TRNAU1AP: variants seen among roughly 807,000 people sequenced by gnomAD.
TRNAU1AP encodes the protein tRNA selenocysteine 1 associated protein 1, also known as tRNA selenocysteine 1-associated protein 1.
In TRNAU1AP, 33 loss-of-function variants were observed where a neutral mutation model predicts 43.3. The ratio of observed to expected loss-of-function variants is 0.76; its 90% confidence interval spans 0.58 to 1.02. The LOEUF (loss-of-function observed/expected upper bound fraction) is 1.02, where lower values mean the gene tolerates loss of function less well. Among genes scored for constraint, TRNAU1AP ranks in the 50% least tolerant of loss-of-function variants. TRNAU1AP has a pLI of 0.00. For synonymous variants in TRNAU1AP, 143 were observed against 129.1 expected (o/e 1.11, Z -0.73); for missense variants, 290 against 362.7 (o/e 0.80, Z 1.63).
In TRNAU1AP at chr1:28,571,389, G is replaced by GA. The variant is rs1478975757; in HGVS notation, c.693+54dup. 4 of 1,590,006 alleles carry GA rather than the reference G, an allele frequency of 2.5e-6. No homozygotes were observed. The East Asian group carries it at 9.0e-5, about 36-fold the overall frequency. Reference sequence around the variant, plus strand: ...CCCCTTGGGTTGTGTTTCTCCTCTAGAAACAGGTCATTCTCTAGGATGGGA... The same window carrying GA: ...CCCCTTGGGTTGTGTTTCTCCTCTAGAAAACAGGTCATTCTCTAGGATGGGA... On this transcript the variant is annotated intron_variant, in intron 7 of 8. Coordinates refer to ENST00000373830, the MANE Select transcript of TRNAU1AP (RefSeq NM_017846.5).
chr1:28,555,227 T>A (rs1369013895), intron 2 of TRNAU1AP, among the ~76,000 whole-genome samples: 3 of 139,920 alleles, frequency 2.1e-5, no homozygotes, highest in African/African-American at 8.8e-5. Context: ...CGAAACTCCA[T>A]CTCAAAAAAA....
At chr1:28,573,175 A>C (rs949984899) in intron 8 of TRNAU1AP, among the ~76,000 whole-genome samples, 2 of 149,492 alleles carry the variant, frequency 1.3e-5, no homozygotes, top group African/African-American at 4.9e-5. Flanking sequence ...CTGGGATTTC[A>C]GGCACATGCC....
chr1:28,564,103 A>G (rs1287205536), intron 4 of TRNAU1AP, among the ~76,000 whole-genome samples: 2 of 152,118 alleles, frequency 1.3e-5, no homozygotes, highest in East Asian at 1.9e-4. Context: ...CGTCTCTGCT[A>G]AAAATACAAA....
In TRNAU1AP at chr1:28,577,913, T is replaced by A. The variant is rs1665836218; in HGVS notation, c.*277T>A. On this transcript the variant is annotated 3_prime_UTR_variant, in exon 9 of 9. Coordinates refer to ENST00000373830, the MANE Select transcript of TRNAU1AP (RefSeq NM_017846.5). ...AGGACAGTTTGGGATTATCCAAAAC[T>A]GGGATGAGCAGCTTGGGATAATTCA... 3.4e-6 allele frequency: 1 copy of A among 291,232 alleles called. No homozygotes were observed. Among genetic ancestry groups the A allele is most frequent in the Non-Finnish European group, 6.4e-6 (1 of 155,464 alleles). The allele number at this position is 291,232 out of a possible 1,614,324, so 18.0% of individuals were successfully genotyped here.
At position 28,571,323 on chromosome 1, in the gene TRNAU1AP, C is replaced by G. The variant is rs758983194; in HGVS notation, c.678C>G (p.Thr226=). The G allele has an allele frequency of 9.9e-6, 16 of 1,613,686 alleles. No individual in the cohort carries two copies. The South Asian group carries it at 1.8e-4, about 18-fold the overall frequency. ...YSYSYPQYGY[T]QSTMQTYEEV... ...ACAGTTACCCCCAGTATGGCTATACCCAGAGCACCATGCAGGTAACCATGA... is the reference window on the plus strand; with the variant it reads ...ACAGTTACCCCCAGTATGGCTATACGCAGAGCACCATGCAGGTAACCATGA... Residue 226 remains threonine, a synonymous_variant, in exon 7 of 9, where the codon ACC becomes ACG. Coordinates refer to ENST00000373830, the MANE Select transcript of TRNAU1AP (RefSeq NM_017846.5).
In TRNAU1AP at chr1:28,571,199, A is replaced by C. The variant is rs574056569; in HGVS notation, c.554A>C (p.Tyr185Ser). 4 of 1,614,126 alleles carry C rather than the reference A, an allele frequency of 2.5e-6. No individual in the cohort carries two copies. In the East Asian group the frequency reaches 8.9e-5, roughly 36 times the overall value. The stretch of plus-strand genomic sequence containing the variant: ...AGGAGCCGTGTAAAGCCAGTGGAAT[A>C]TAGTCAGATGTACAGTTATAGCTAC... ...PKASRVKPVE[Y>S]SQMYSYSYNQ... The change falls in exon 7 of 9, where the codon TAT (tyrosine) becomes TCT (serine). Residue 185 changes from tyrosine (Y) to serine (S), a missense_variant. Tyr to Ser is a moderately radical substitution (Grantham distance 144). This residue lies in a region of TRNAU1AP where 174 missense variants were observed against 262.1 expected (regional missense o/e 0.66). Coordinates refer to ENST00000373830, the MANE Select transcript of TRNAU1AP (RefSeq NM_017846.5).
At chr1:28,561,904 C>G (rs550230421) in intron 4 of TRNAU1AP, among the ~76,000 whole-genome samples, 3 of 152,280 alleles carry the variant, frequency 2.0e-5, no homozygotes, top group African/African-American at 7.2e-5. Context: ...AACCCCGTCT[C>G]TACTAAAAAT....
At chr1:28,573,159 G>A (rs566656870) in intron 8 of TRNAU1AP, among the ~76,000 whole-genome samples, 38 of 147,242 alleles carry the variant, frequency 2.6e-4, no homozygotes, top group African/African-American at 8.7e-4. Context: ...TCAGCCTCCC[G>A]AAGAGCTGGG....
At chr1:28,560,765 T>C in intron 3 of TRNAU1AP, 33 bp downstream of exon 3, 1 of 1,535,332 alleles carries the variant, frequency 6.5e-7, no homozygotes, top group South Asian at 1.1e-5. Flanking sequence ...GATGTTGCCA[T>C]TATTATTGTC....
intron 2 of TRNAU1AP, among the ~76,000 whole-genome samples, chr1:28,558,788 G>A (rs2124190979): frequency 6.6e-6 from 1 of 151,604 alleles, no homozygotes; most frequent in South Asian, 2.1e-4. Flanking sequence ...TATGGTCTCA[G>A]TCTCCTGACC....
chr1:28,575,065 C>T (rs998777179), intron 8 of TRNAU1AP, among the ~76,000 whole-genome samples: 1 of 152,296 alleles, frequency 6.6e-6, no homozygotes, highest in Middle Eastern at 3.4e-3. Flanking sequence ...CTAGTTGTTT[C>T]CCCCTGGGAG....
chr1:28,564,356 G>A (rs1316937877), intron 4 of TRNAU1AP, among the ~76,000 whole-genome samples: 1 of 152,160 alleles, frequency 6.6e-6, no homozygotes, highest in African/African-American at 2.4e-5. Context: ...TAACATTTAT[G>A]TTTAAAATAT....
chr1:28,556,057 G>A (rs1385029813), intron 2 of TRNAU1AP, among the ~76,000 whole-genome samples: 1 of 152,058 alleles, frequency 6.6e-6, no homozygotes, highest in East Asian at 1.9e-4. Context: ...GTTTCACCAT[G>A]TTAGCCAGAT....
Position 28,571,383 on chromosome 1 carries a change from C to T in TRNAU1AP, c.693+45C>T, listed in dbSNP as rs201758066. 7.9e-4 allele frequency: 1,259 copies of T among 1,590,130 alleles called. 13 individuals are homozygous for T. In the South Asian group the frequency reaches 9.5e-3, roughly 12 times the overall value. ...ACTGGTCCCCTTGGGTTGTGTTTCT[C>T]CTCTAGAAACAGGTCATTCTCTAGG... On this transcript the variant is annotated intron_variant, in intron 7 of 8. Coordinates refer to ENST00000373830, the MANE Select transcript of TRNAU1AP (RefSeq NM_017846.5).
intron 1 of TRNAU1AP, 117 bp from the exon 2 acceptor site, chr1:28,553,523 G>T (rs1481481083): frequency 4.2e-6 from 4 of 958,934 alleles, no homozygotes; most frequent in Non-Finnish European, 4.8e-6. Context: ...GGCGAACCTC[G>T]CCCCTCGCTC....
intron 8 of TRNAU1AP, among the ~76,000 whole-genome samples, chr1:28,573,329 C>T (rs1665702967): frequency 6.7e-6 from 1 of 148,312 alleles, no homozygotes; most frequent in Non-Finnish European, 1.5e-5. Context: ...GTGCCCAGCC[C>T]ATTATTAATT....
intron 6 of TRNAU1AP, among the ~76,000 whole-genome samples, chr1:28,570,516 G>A (rs1429167689): frequency 6.6e-6 from 1 of 151,426 alleles, no homozygotes; most frequent in Non-Finnish European, 1.5e-5. Context: ...CCAAAGTGTT[G>A]GGATTACAGG....
intron 8 of TRNAU1AP, among the ~76,000 whole-genome samples, chr1:28,577,015 G>C (rs781679363): frequency 4.3e-4 from 65 of 152,302 alleles, no homozygotes; most frequent in Non-Finnish European, 7.8e-4. Flanking sequence ...GCTGTGAGCT[G>C]TAAGTGTGCC....
At position 28,578,389 on chromosome 1, in the gene TRNAU1AP, C is replaced by CTTAT. The variant is rs1441914564; in HGVS notation, c.*754_*755insTATT. ...CAACCTTGTCATGTGTTGGGACTTA[C>CTTAT]TGCTTGAGGCAAAGCATTCATCCTA... On this transcript the variant is annotated 3_prime_UTR_variant, in exon 9 of 9. Transcript: ENST00000373830. The CTTAT allele has an allele frequency of 4.9e-6, 1 of 203,372 alleles. No homozygotes were observed. Among genetic ancestry groups the CTTAT allele is most frequent in the Non-Finnish European group, 1.0e-5 (1 of 98,808 alleles). The allele number at this position is 203,372 out of a possible 1,614,324, so 12.6% of individuals were successfully genotyped here.
Sources: allele counts gnomAD v4.1 joint callset (sites outside exome capture counted in the v4.1 genomes callset), GRCh38; gene constraint gnomAD v4.1.1; regional missense constraint gnomAD v4.1.1; transcripts MANE v1.5; gene names NCBI Gene and HGNC (gene_info 2026-07-23, HGNC 2026-07-21).